Variants in KCNIP4 observed in about 807,000 individuals in gnomAD.
KCNIP4 encodes the protein potassium voltage-gated channel interacting protein 4.
In KCNIP4, 12 loss-of-function variants were observed where a neutral mutation model predicts 34.0. The observed-to-expected ratio is 0.35, with a 90% CI of 0.23 to 0.57. The LOEUF (loss-of-function observed/expected upper bound fraction) is 0.57, where lower values mean the gene tolerates loss of function less well. Among genes scored for constraint, KCNIP4 ranks in the 20% least tolerant of loss-of-function variants. KCNIP4 has a pLI of 0.83. For missense variants in KCNIP4, 238 were observed against 311.7 expected (o/e 0.76, Z 1.78); for synonymous variants, 124 against 102.2 (o/e 1.21, Z -1.29).
chr4:21,015,409 C>T (rs1310336982), intron 1 of KCNIP4, among the ~76,000 whole-genome samples: 1 of 140,568 alleles, frequency 7.1e-6, no homozygotes, highest in Non-Finnish European at 1.5e-5. Flanking sequence ...ATATATATAA[C>T]CACTATTCTA....
rs994476173 is a variant in KCNIP4 at position 21,757,151 on chromosome 4, G to T, written c.61+191420C>A. Reference sequence around the variant, plus strand: ...AGAAAGAAAGAAAGAAAGAAAGAAAGAAAGAAAGAAAGAAAGAAGGAAGGA... The same window carrying T: ...AGAAAGAAAGAAAGAAAGAAAGAAATAAAGAAAGAAAGAAAGAAGGAAGGA... On this transcript the variant is annotated intron_variant, in intron 1 of 8. Transcript: ENST00000382152. Among the ~76,000 whole-genome samples the T allele has an allele frequency of 4.7e-4, 13 of 27,826 alleles. No homozygotes were observed. The East Asian group carries it at 6.1e-3, about 13-fold the overall frequency. 18.3% of individuals were successfully genotyped at this position (27,826 alleles called of 152,430 possible). A position where few individuals can be genotyped will look rare whatever the true frequency, so the allele number is the denominator to read the frequency against.
chr4:20,790,146 C>T (rs577082488), intron 3 of KCNIP4, among the ~76,000 whole-genome samples: 7 of 152,208 alleles, frequency 4.6e-5, no homozygotes, highest in Admixed American at 3.3e-4. Flanking sequence ...TAACTGAACA[C>T]TATAGGTAGT....
At chr4:21,262,956 C>T (rs1187664569) in intron 1 of KCNIP4, among the ~76,000 whole-genome samples, 1 of 152,172 alleles carries the variant, frequency 6.6e-6, no homozygotes, top group Non-Finnish European at 1.5e-5. Flanking sequence ...AGTTGCCTAA[C>T]TAATGTTTAT....
intron 1 of KCNIP4, among the ~76,000 whole-genome samples, chr4:20,912,400 A>G (rs1462542800): frequency 6.6e-6 from 1 of 152,210 alleles, no homozygotes; most frequent in Non-Finnish European, 1.5e-5. Flanking sequence ...GCAATGAATA[A>G]TTCAAAAATG....
intron 1 of KCNIP4, among the ~76,000 whole-genome samples, chr4:21,615,686 C>T (rs1744547178): frequency 6.6e-6 from 1 of 152,276 alleles, no homozygotes; most frequent in African/African-American, 2.4e-5. Context: ...GCTATTCCTG[C>T]CCCATCCCTA....
At chr4:20,960,808 G>A (rs1489963576) in intron 1 of KCNIP4, among the ~76,000 whole-genome samples, 1 of 152,094 alleles carries the variant, frequency 6.6e-6, no homozygotes, top group Non-Finnish European at 1.5e-5. Flanking sequence ...AAGGTAATGA[G>A]GTACTATTAA....
chr4:21,775,139 CCTTT>C (rs1274698731), intron 1 of KCNIP4, among the ~76,000 whole-genome samples: 1 of 152,092 alleles, frequency 6.6e-6, no homozygotes. Context: ...TTCGTGGAGG[CCTTT>C]TTTTGGTTGG....
At chr4:21,560,015 T>C (rs1739385685) in intron 1 of KCNIP4, among the ~76,000 whole-genome samples, 1 of 152,158 alleles carries the variant, frequency 6.6e-6, no homozygotes, top group African/African-American at 2.4e-5. Context: ...ACTTTGATTT[T>C]CCCCTTTGTA....
intron 1 of KCNIP4, among the ~76,000 whole-genome samples, chr4:21,711,368 A>C (rs1430009783): frequency 6.6e-6 from 1 of 152,144 alleles, no homozygotes; most frequent in Non-Finnish European, 1.5e-5. Context: ...GCTACTCAGG[A>C]GGCTGAGGCA....
intron 1 of KCNIP4, among the ~76,000 whole-genome samples, chr4:21,659,333 T>A (rs928783721): frequency 1.3e-5 from 2 of 152,194 alleles, no homozygotes; most frequent in Non-Finnish European, 2.9e-5. Flanking sequence ...AAAATCTTAC[T>A]AAGAATCTCT....
chr4:21,596,366 T>A (rs1400371242), intron 1 of KCNIP4, among the ~76,000 whole-genome samples: 4 of 152,140 alleles, frequency 2.6e-5, no homozygotes, highest in East Asian at 3.9e-4. Context: ...TTTATATATA[T>A]GTTACAAGAA....
chr4:21,840,787 T>C, intron 1 of KCNIP4, among the ~76,000 whole-genome samples: 1 of 152,214 alleles, frequency 6.6e-6, no homozygotes, highest in East Asian at 1.9e-4. Flanking sequence ...AGACACTATG[T>C]ATTAATTTGT....
intron 2 of KCNIP4, among the ~76,000 whole-genome samples, chr4:20,864,685 T>A (rs1397819920): frequency 6.6e-6 from 1 of 152,060 alleles, no homozygotes; most frequent in Non-Finnish European, 1.5e-5. Context: ...AAAAGGGCTC[T>A]AAGCAGAAAA....
chr4:21,076,930 C>A (rs1039209422), intron 1 of KCNIP4, among the ~76,000 whole-genome samples: 1 of 152,098 alleles, frequency 6.6e-6, no homozygotes, highest in Non-Finnish European at 1.5e-5. Context: ...CGAGTCCAGT[C>A]TGGCAAACAT....
chr4:20,738,553 A>G (rs577536633), intron 5 of KCNIP4, among the ~76,000 whole-genome samples: 9 of 152,336 alleles, frequency 5.9e-5, no homozygotes, highest in Non-Finnish European at 1.3e-4. Context: ...CATCACTGGC[A>G]TTGACCTCAC....
intron 1 of KCNIP4, among the ~76,000 whole-genome samples, chr4:21,431,268 C>T (rs376812328): frequency 2.2e-4 from 34 of 152,066 alleles, no homozygotes; most frequent in African/African-American, 8.2e-4. Context: ...AGTTAAGAGT[C>T]TGAAGAACCA....
chr4:21,776,459 T>G (rs1395830832), intron 1 of KCNIP4, among the ~76,000 whole-genome samples: 3 of 152,172 alleles, frequency 2.0e-5, no homozygotes, highest in Non-Finnish European at 4.4e-5. Context: ...TATGGTGAAG[T>G]AGAAAGTGTG....
chr4:20,943,813 A>T (rs1162113559), intron 1 of KCNIP4, among the ~76,000 whole-genome samples: 1 of 152,224 alleles, frequency 6.6e-6, no homozygotes, highest in Non-Finnish European at 1.5e-5. Flanking sequence ...TACTAGCTCA[A>T]CAAGGCACTG....
intron 1 of KCNIP4, among the ~76,000 whole-genome samples, chr4:21,620,838 A>G (rs962063731): frequency 3.3e-5 from 5 of 152,092 alleles, no homozygotes; most frequent in South Asian, 2.1e-4. Context: ...TCCAGTCCCG[A>G]GTTTTGCTTC....
Sources: allele counts gnomAD v4.1 joint callset (sites outside exome capture counted in the v4.1 genomes callset), GRCh38; gene constraint gnomAD v4.1.1; transcripts MANE v1.5; gene names NCBI Gene and HGNC (gene_info 2026-07-23, HGNC 2026-07-21).